The following KLHL32 variants were observed in gnomAD, a reference collection of about 807,000 sequenced individuals.
KLHL32 encodes the protein kelch-like protein 32.
KLHL32 carries 35 observed loss-of-function variants against 64.8 expected under a neutral mutation model. The observed-to-expected ratio is 0.54, with a 90% CI of 0.41 to 0.72. KLHL32 has a LOEUF of 0.72. KLHL32 is among the 30% of genes least tolerant of loss of function. The pLI is 0.00. For synonymous variants in KLHL32, 259 were observed against 281.0 expected (o/e 0.92, Z 0.78); for missense variants, 589 against 768.5 (o/e 0.77, Z 2.76).
At chr6:97,058,391 T>A (rs1474746471) in intron 4 of KLHL32, among the ~76,000 whole-genome samples, 3 of 152,190 alleles carry the variant, frequency 2.0e-5, no homozygotes, top group African/African-American at 7.2e-5. Flanking sequence ...ATCTTTCCAT[T>A]TATTTAGTTT....
At chr6:96,955,710 G>A (rs1371667421) in intron 1 of KLHL32, among the ~76,000 whole-genome samples, 1 of 152,138 alleles carries the variant, frequency 6.6e-6, no homozygotes, top group East Asian at 1.9e-4. Context: ...GCTGAGGCAG[G>A]CAGATCATCT....
At chr6:97,036,393 T>G (rs1784294368) in intron 3 of KLHL32, among the ~76,000 whole-genome samples, 1 of 152,236 alleles carries the variant, frequency 6.6e-6, no homozygotes, top group African/African-American at 2.4e-5. Flanking sequence ...GAAATTATCA[T>G]ATTCCTTTAG....
chr6:97,089,160 G>A (rs2128183628), intron 6 of KLHL32, among the ~76,000 whole-genome samples: 1 of 152,320 alleles, frequency 6.6e-6, no homozygotes, highest in Non-Finnish European at 1.5e-5. Context: ...CTCCCAAATG[G>A]AGAGAATCCT....
intron 7 of KLHL32, among the ~76,000 whole-genome samples, chr6:97,117,050 C>T (rs544035990): frequency 2.1e-4 from 32 of 152,276 alleles, no homozygotes; most frequent in South Asian, 1.4e-3. Flanking sequence ...AGTGACATTT[C>T]TAATACCTTC....
intron 3 of KLHL32, among the ~76,000 whole-genome samples, chr6:97,025,787 G>A (rs946559737): frequency 1.1e-4 from 16 of 152,216 alleles, no homozygotes; most frequent in African/African-American, 3.6e-4. Context: ...TAATTTCACT[G>A]GGTCTCATTT....
intron 3 of KLHL32, among the ~76,000 whole-genome samples, chr6:96,989,406 A>G (rs892555601): frequency 6.6e-6 from 1 of 152,154 alleles, no homozygotes; most frequent in Non-Finnish European, 1.5e-5. Flanking sequence ...TTTTTCTTTA[A>G]GAATGCTGAA....
chr6:97,055,747 G>A (rs1202804996), intron 4 of KLHL32, among the ~76,000 whole-genome samples: 2 of 136,796 alleles, frequency 1.5e-5, no homozygotes, highest in Admixed American at 7.8e-5. Context: ...GCAGTGGGCC[G>A]ATATCGTGCC....
intron 1 of KLHL32, 33 bp from the exon 2 acceptor site, chr6:96,966,963 C>A: frequency 1.9e-6 from 2 of 1,079,834 alleles, no homozygotes; most frequent in Non-Finnish European, 2.8e-6. Context: ...GCATTTAGCT[C>A]AATGCACCCT....
At chr6:97,005,155 T>G (rs970883604) in intron 3 of KLHL32, among the ~76,000 whole-genome samples, 2 of 152,012 alleles carry the variant, frequency 1.3e-5, no homozygotes, top group Admixed American at 6.6e-5. Flanking sequence ...GATTTAATTT[T>G]GGAACTCATT....
intron 6 of KLHL32, among the ~76,000 whole-genome samples, chr6:97,102,835 T>C (rs1408884152): frequency 6.6e-6 from 1 of 152,084 alleles, no homozygotes; most frequent in Non-Finnish European, 1.5e-5. Context: ...GAATGGTATA[T>C]ATACATATAA....
intron 1 of KLHL32, among the ~76,000 whole-genome samples, chr6:96,929,440 C>T (rs1033322593): frequency 2.0e-5 from 3 of 152,212 alleles, no homozygotes; most frequent in African/African-American, 7.2e-5. Context: ...CTTCCCTTCT[C>T]TGCCTATAAG....
chr6:97,088,631 G>A (rs867397062), intron 6 of KLHL32, among the ~76,000 whole-genome samples: 1 of 152,140 alleles, frequency 6.6e-6, no homozygotes, highest in African/African-American at 2.4e-5. Context: ...GGGTTCCAGG[G>A]ATATGTTAAT....
intron 6 of KLHL32, among the ~76,000 whole-genome samples, chr6:97,088,812 G>A (rs566106515): frequency 2.0e-5 from 3 of 152,158 alleles, no homozygotes; most frequent in Non-Finnish European, 4.4e-5. Flanking sequence ...AAGTAATTCT[G>A]TATCATTCTC....
chr6:97,002,128 G>C (rs6568698), intron 3 of KLHL32, among the ~76,000 whole-genome samples: 37,248 of 152,084 alleles, frequency 0.24, 5,895 homozygotes, highest in East Asian at 0.53. Context: ...ACTAGGAGAG[G>C]TGTTGGTGTA....
intron 5 of KLHL32, among the ~76,000 whole-genome samples, chr6:97,071,782 C>T (rs1415998135): frequency 6.6e-6 from 1 of 152,168 alleles, no homozygotes; most frequent in Admixed American, 6.5e-5. Flanking sequence ...TTCTCTTTCT[C>T]CTCCTTGTCA....
At chr6:96,986,187 G>C (rs1777033185) in intron 3 of KLHL32, among the ~76,000 whole-genome samples, 1 of 152,192 alleles carries the variant, frequency 6.6e-6, no homozygotes, top group Non-Finnish European at 1.5e-5. Context: ...CAGAACAGCA[G>C]ATATTGGTGA....
At chr6:97,071,382 C>T (rs1315472802) in intron 5 of KLHL32, among the ~76,000 whole-genome samples, 1 of 152,152 alleles carries the variant, frequency 6.6e-6, no homozygotes, top group Admixed American at 6.5e-5. Context: ...CTATTCTCCT[C>T]CTACTCATTT....
intron 1 of KLHL32, among the ~76,000 whole-genome samples, chr6:96,931,197 T>A (rs923347782): frequency 6.6e-6 from 1 of 152,178 alleles, no homozygotes; most frequent in Admixed American, 6.5e-5. Context: ...ACTTTCTAGT[T>A]AAATCTATGT....
Position 96,976,201 on chromosome 6 carries a change from C to T in KLHL32, c.204+24C>T, listed in dbSNP as rs113353587. ...GGGTAAGTCAGCATTGTTTGTTTCT[C>T]GTAAAATATTGATAAAGAGAGGATG... is the stretch of plus-strand genomic sequence containing the variant. On this transcript the variant is annotated intron_variant, in intron 3 of 10. Coordinates refer to ENST00000369261, the MANE Select transcript of KLHL32 (RefSeq NM_052904.4). 3.9e-4 allele frequency: 587 copies of T among 1,503,930 alleles called. 3 individuals carry two copies. The African/African-American group carries it at 7.2e-3, about 18-fold the overall frequency. The allele number at this position is 1,503,930 out of a possible 1,614,324, so 93.2% of individuals were successfully genotyped here.
Sources: allele counts gnomAD v4.1 joint callset (sites outside exome capture counted in the v4.1 genomes callset), GRCh38; gene constraint gnomAD v4.1.1; transcripts MANE v1.5; gene names NCBI Gene and HGNC (gene_info 2026-07-23, HGNC 2026-07-21).